Variants in MCMDC2 observed in about 807,000 individuals in gnomAD.
MCMDC2 encodes minichromosome maintenance domain containing 2.
Under a neutral mutation model 75.8 loss-of-function variants are expected in MCMDC2, and 54 were observed. The ratio of observed to expected loss-of-function variants is 0.71; its 90% CI spans 0.57 to 0.89. The LOEUF (loss-of-function observed/expected upper bound fraction) is 0.89. MCMDC2 is among the 40% of genes least tolerant of loss of function. The pLI, the probability that MCMDC2 is intolerant of heterozygous loss-of-function variation, is 0.00. For missense variants in MCMDC2, 656 were observed against 780.4 expected (o/e 0.84, Z 1.90); for synonymous variants, 249 against 274.6 (o/e 0.91, Z 0.92).
chr8:66,884,286 T>G, intron 9 of MCMDC2: 1 of 414,156 alleles, frequency 2.4e-6, no homozygotes, highest in African/African-American at 2.0e-5. Context: ...TTTCTGTACT[T>G]TGTTTTGAAT....
chr8:66,911,755 G>T (rs1235571376), intron 14 of MCMDC2, among the ~76,000 whole-genome samples: 1 of 151,798 alleles, frequency 6.6e-6, no homozygotes, highest in African/African-American at 2.4e-5. Context: ...CCTGGGAGTC[G>T]GGGGTTGCAG....
chr8:66,889,383 T>C (rs921088325), intron 9 of MCMDC2, among the ~76,000 whole-genome samples: 3 of 152,136 alleles, frequency 2.0e-5, no homozygotes, highest in Non-Finnish European at 4.4e-5. Flanking sequence ...TAGTTCCAGC[T>C]ACTTGGGAGA....
chr8:66,896,307 C>A lies in MCMDC2; in HGVS notation c.1417C>A (p.Gln473Lys), dbSNP rs1422387784. The change falls in exon 11 of 15, where the codon CAG (glutamine) becomes AAG (lysine). Residue 473 changes from glutamine to lysine, a missense_variant. Physicochemically the swap from Gln to Lys is moderately conservative, Grantham distance 53 (BLOSUM62 1). Transcript: ENST00000422365. ...GGATTCATCTTCAAGGAGAAATGCA[C>A]AGAAAATCAACACTCTAATTGGTCA... is the stretch of plus-strand genomic sequence containing the variant. ...DVDSSSRRNA[Q>K]KINTLIGQMD... The A allele has an allele frequency of 6.2e-7, 1 of 1,609,040 alleles. No homozygotes were observed. The highest frequency in any genetic ancestry group is 8.5e-7 in the Non-Finnish European group (1 of 1,179,080).
At chr8:66,883,627 CA>C (rs879539316) in intron 8 of MCMDC2, 129 bp from the exon 9 acceptor site, 24,908 of 419,548 alleles carry the variant, frequency 0.059, no homozygotes, top group South Asian at 0.097. Flanking sequence ...GATCCTGTCT[CA>C]AAAAAAAAAA....
chr8:66,900,325 C>G (rs1812594815), intron 12 of MCMDC2, among the ~76,000 whole-genome samples: 1 of 151,918 alleles, frequency 6.6e-6, no homozygotes, highest in South Asian at 2.1e-4. Flanking sequence ...ATAATCCCAG[C>G]TACTCGGGAG....
intron 10 of MCMDC2, among the ~76,000 whole-genome samples, chr8:66,892,053 T>C (rs375473049): frequency 1.4e-3 from 206 of 152,324 alleles, no homozygotes; most frequent in African/African-American, 4.7e-3. Context: ...GCTCAGCAGA[T>C]GGTGGGGCAC....
chr8:66,924,835 G>A (rs1437616412), downstream of MCMDC2, among the ~76,000 whole-genome samples: 1 of 152,080 alleles, frequency 6.6e-6, no homozygotes, highest in Non-Finnish European at 1.5e-5. Flanking sequence ...ACTTTAGCGC[G>A]TATTACGAAG....
Position 66,918,369 on chromosome 8 carries a change from T to C in MCMDC2, c.1880-634T>C, listed in dbSNP as rs1399486950. On this transcript the variant is annotated intron_variant, in intron 14 of 14. Transcript: ENST00000422365. The stretch of plus-strand genomic sequence containing the variant: ...TATGCAGTTTTAAATTTTGATATGG[T>C]CCCATTTATGTGTATTTTCTTTTGG... Among the ~76,000 whole-genome samples the C allele has an allele frequency of 2.0e-5, 3 of 152,186 alleles. No homozygotes were observed. In the East Asian group the frequency reaches 5.8e-4, roughly 29 times the overall value.
intron 10 of MCMDC2, among the ~76,000 whole-genome samples, chr8:66,893,093 A>G (rs1250983510): frequency 6.6e-6 from 1 of 152,238 alleles, no homozygotes; most frequent in East Asian, 1.9e-4. Flanking sequence ...ATTTATAACT[A>G]GCAAGGATAT....
chr8:66,879,669 G>A (rs1422003977), intron 7 of MCMDC2, among the ~76,000 whole-genome samples: 1 of 152,162 alleles, frequency 6.6e-6, no homozygotes, highest in Non-Finnish European at 1.5e-5. Flanking sequence ...AGAATCACAA[G>A]TCTTCTAATT....
intron 9 of MCMDC2, among the ~76,000 whole-genome samples, chr8:66,886,141 AT>A (rs1811825590): frequency 6.6e-6 from 1 of 151,384 alleles, no homozygotes; most frequent in Admixed American, 6.6e-5. Flanking sequence ...TTGCTGGGTC[AT>A]AAGGTATATG....
rs533962493 is a variant in MCMDC2, at chr8:66,911,053, C to T, written c.1879+5718C>T. Among the ~76,000 whole-genome samples the T allele has an allele frequency of 1.1e-3, 171 of 152,230 alleles. 1 individual carries two copies. The highest frequency in any genetic ancestry group is 4.0e-3 in the African/African-American group (165 of 41,544). Reference sequence around the variant, plus strand: ...GGGTTAATGCTAGAATGAATTAAAACTCTGGGGGACTGTTGGGAAGGCATG... The same window carrying T: ...GGGTTAATGCTAGAATGAATTAAAATTCTGGGGGACTGTTGGGAAGGCATG... On this transcript the variant is annotated intron_variant, in intron 14 of 14. Transcript: ENST00000422365.
downstream of MCMDC2, chr8:66,925,335 T>A (rs1232421901): frequency 2.0e-5 from 3 of 152,466 alleles, no homozygotes; most frequent in African/African-American, 7.2e-5. Flanking sequence ...AGCCGCCCGC[T>A]CCGCTGCGCC....
intron 6 of MCMDC2, 57 bp downstream of exon 6, chr8:66,878,753 A>G (rs1189291155): frequency 2.8e-6 from 4 of 1,450,874 alleles, no homozygotes; most frequent in Non-Finnish European, 3.7e-6. Context: ...TGATATTTCA[A>G]TATGGAAATT....
chr8:66,882,410 G>A (rs1228590916), intron 8 of MCMDC2, among the ~76,000 whole-genome samples: 1 of 151,454 alleles, frequency 6.6e-6, no homozygotes, highest in African/African-American at 2.4e-5. Flanking sequence ...CTGTCACCTA[G>A]GCTGGGGTGC....
chr8:66,890,550 A>G (rs1297997511), intron 9 of MCMDC2, among the ~76,000 whole-genome samples: 15 of 152,080 alleles, frequency 9.9e-5, no homozygotes, highest in Admixed American at 9.8e-4. Context: ...TTTTTGAGAC[A>G]GAATCTCACT....
At chr8:66,910,089 A>T (rs1018002021) in intron 14 of MCMDC2, among the ~76,000 whole-genome samples, 1 of 152,232 alleles carries the variant, frequency 6.6e-6, no homozygotes, top group African/African-American at 2.4e-5. Context: ...GGGTGCACAG[A>T]AGTCAAGAAT....
intron 13 of MCMDC2, among the ~76,000 whole-genome samples, chr8:66,904,490 A>G (rs1268082648): frequency 6.6e-6 from 1 of 152,202 alleles, no homozygotes; most frequent in Non-Finnish European, 1.5e-5. Flanking sequence ...CAAAACTTTC[A>G]AATGCCTTTA....
chr8:66,902,366 C>T (rs80209081), intron 13 of MCMDC2, among the ~76,000 whole-genome samples: 1 of 149,526 alleles, frequency 6.7e-6, no homozygotes, highest in African/African-American at 2.5e-5. Context: ...CTCCAGCCTG[C>T]GTGACAGAGT....
Sources: gnomAD v4.1 joint callset for allele counts (sites outside exome capture counted in the v4.1 genomes callset) on GRCh38, gnomAD v4.1.1 for gene constraint, MANE v1.5 for transcripts, NCBI Gene and HGNC (gene_info 2026-07-23, HGNC 2026-07-21) for gene names.